The following CIMAP1B variants were observed in gnomAD, a reference collection of about 807,000 sequenced individuals.
CIMAP1B encodes ciliary microtubule associated protein 1B, also known as orf2 5' to PD-ECGF/TP.
At chr22:50,531,368 G>A in the CIMAP1B span, 1 of 1,251,562 alleles carries the variant, frequency 8.0e-7, no homozygotes, top group Non-Finnish European at 1.1e-6. Context: ...ATGGGGTCCT[G>A]GGACTAGTGG....
the CIMAP1B span, chr22:50,532,219 T>C: frequency 3.3e-5 from 38 of 1,145,092 alleles, no homozygotes; most frequent in Non-Finnish European, 4.1e-5. Context: ...CTGGACCGTA[T>C]CCCTGGCGCC....
chr22:50,532,370 G>A, the CIMAP1B span: 1 of 331,302 alleles, frequency 3.0e-6, no homozygotes, highest in Non-Finnish European at 5.5e-6. Context: ...ACTTGGTGAA[G>A]GGAATCACCT....
chr22:50,531,177 C>T, the CIMAP1B span: 1 of 1,607,810 alleles, frequency 6.2e-7, no homozygotes, highest in Non-Finnish European at 8.5e-7. Flanking sequence ...TGGGATGGGC[C>T]GTTCTGACCT....
chr22:50,531,627 C>A, the CIMAP1B span: 2 of 1,386,938 alleles, frequency 1.4e-6, no homozygotes, highest in Non-Finnish European at 1.9e-6. Flanking sequence ...ATGGAGTAGG[C>A]GGGGGCGCCG....
At chr22:50,530,618 C>T in the CIMAP1B span, 3 of 1,565,494 alleles carry the variant, frequency 1.9e-6, no homozygotes, top group Admixed American at 1.9e-5. Flanking sequence ...CGCGCCGGGA[C>T]CCCTGGACCC....
the CIMAP1B span, chr22:50,531,628 G>C: frequency 5.8e-6 from 8 of 1,390,182 alleles, no homozygotes; most frequent in Admixed American, 1.1e-4. Flanking sequence ...TGGAGTAGGC[G>C]GGGGCGCCGT....
At chr22:50,531,567 G>T in the CIMAP1B span, 4 of 1,426,398 alleles carry the variant, frequency 2.8e-6, no homozygotes, top group Non-Finnish European at 3.7e-6. Context: ...CGGGGGTCCT[G>T]ACCAGGTCCC....
chr22:50,531,072 A>G, the CIMAP1B span: 1 of 1,605,762 alleles, frequency 6.2e-7, no homozygotes, highest in Non-Finnish European at 8.5e-7. Flanking sequence ...GGGAGGAGGC[A>G]GGGCTCGGGG....
chr22:50,530,585 C>G, the CIMAP1B span: 1 of 1,570,462 alleles, frequency 6.4e-7, no homozygotes, highest in African/African-American at 1.4e-5. Flanking sequence ...ACACCGCTGA[C>G]CTCGCGGGGC....
the CIMAP1B span, chr22:50,531,996 G>T: frequency 7.4e-7 from 1 of 1,357,800 alleles, no homozygotes; most frequent in South Asian, 1.8e-5. Context: ...TTGTATTTGG[G>T]CCCGGGGCCT....
chr22:50,531,144 T>G, the CIMAP1B span: 1 of 1,594,150 alleles, frequency 6.3e-7, no homozygotes. Flanking sequence ...GTCCCCGGTC[T>G]CGAGTGGGAA....
chr22:50,531,741 C>T, the CIMAP1B span: 1 of 1,369,690 alleles, frequency 7.3e-7, no homozygotes, highest in South Asian at 1.8e-5. Flanking sequence ...AAGGCGGGGG[C>T]GCGCGGCCGC....
chr22:50,532,253 T>G, the CIMAP1B span: 11 of 863,626 alleles, frequency 1.3e-5, no homozygotes, highest in Non-Finnish European at 1.2e-5. Flanking sequence ...CGAGCTTCCT[T>G]CCCGGCTGTG....
chr22:50,531,296 C>T, the CIMAP1B span: 31 of 1,606,478 alleles, frequency 1.9e-5, no homozygotes, highest in Non-Finnish European at 2.3e-5. Flanking sequence ...AAGTACCTGC[C>T]TGCGGGGCGG....
At chr22:50,530,967 C>A in the CIMAP1B span, 2 of 1,611,288 alleles carry the variant, frequency 1.2e-6, no homozygotes, top group Non-Finnish European at 8.5e-7. Flanking sequence ...AACTGCCAGC[C>A]GCTCTGCGGC....
chr22:50,530,805 C>T, the CIMAP1B span: 1 of 1,605,572 alleles, frequency 6.2e-7, no homozygotes, highest in Non-Finnish European at 8.5e-7. Context: ...GGGCCCGGGA[C>T]TTGTAGACCC....
chr22:50,532,203 C>T, the CIMAP1B span: 21 of 1,236,282 alleles, frequency 1.7e-5, no homozygotes, highest in South Asian at 3.5e-4. Context: ...CGGGGCGGGG[C>T]GGGGCCTGGA....
At chr22:50,531,195 G>C in the CIMAP1B span, 1 of 1,612,186 alleles carries the variant, frequency 6.2e-7, no homozygotes, top group Non-Finnish European at 8.5e-7. Context: ...CCTCACCTGG[G>C]CTCTGCTGTT....
chr22:50,530,535 A>C, the CIMAP1B span: 1 of 1,599,826 alleles, frequency 6.3e-7, no homozygotes, highest in Non-Finnish European at 8.5e-7. Flanking sequence ...CCGGATCCCG[A>C]AACTCCAGCC....
Sources: gnomAD v4.1 joint callset for allele counts on GRCh38, gnomAD v4.1.1 for gene constraint, MANE v1.5 for transcripts, NCBI Gene and HGNC (gene_info 2026-07-23, HGNC 2026-07-21) for gene names.